AK9: variants seen among roughly 807,000 people sequenced by gnomAD.
The protein encoded by AK9 is adenylate kinase domain containing 1.
Under a neutral mutation model 239.6 loss-of-function variants are expected in AK9, and 191 were observed. The ratio of observed to expected loss-of-function variants is 0.80; its 90% CI spans 0.71 to 0.90. The LOEUF (loss-of-function observed/expected upper bound fraction) is 0.90, where lower values mean the gene tolerates loss of function less well. AK9 is among the 40% of genes least tolerant of loss of function. The pLI is 0.00. For missense variants in AK9, 1,995 were observed against 2,214.7 expected, an observed-to-expected ratio of 0.90 and a Z score of 1.99; for synonymous variants, 689 against 721.0, an observed-to-expected ratio of 0.96 and a Z score of 0.71.
chr6:109,670,849 T>C (rs1249856386), intron 5 of AK9, among the ~76,000 whole-genome samples: 1 of 152,196 alleles, frequency 6.6e-6, no homozygotes, highest in East Asian at 1.9e-4. Flanking sequence ...CCGTTCAGTC[T>C]CTTTATCACT....
intron 8 of AK9, among the ~76,000 whole-genome samples, chr6:109,651,145 T>C (rs1161384737): frequency 1.3e-5 from 2 of 151,980 alleles, no homozygotes; most frequent in Non-Finnish European, 2.9e-5. Flanking sequence ...GATGAGTTAA[T>C]GGGTGCAGCA....
chr6:109,662,282 T>C (rs1302200177), intron 6 of AK9, among the ~76,000 whole-genome samples: 1 of 152,166 alleles, frequency 6.6e-6, no homozygotes, highest in East Asian at 1.9e-4. Flanking sequence ...GCGGGGTAGT[T>C]GTCAGGGAAA....
intron 27 of AK9, among the ~76,000 whole-genome samples, chr6:109,539,965 C>G (rs1311149140): frequency 6.6e-6 from 1 of 152,092 alleles, no homozygotes; most frequent in Non-Finnish European, 1.5e-5. Context: ...CCTGTGGAAG[C>G]TTCATCTCAG....
At position 109,493,525 on chromosome 6, in the gene AK9, C is replaced by T. The variant is rs1007945150; in HGVS notation, c.5580G>A (p.Lys1860=). ...GSEYTRKKYK[K]KMEQFMESCE... ...AACTCTCCATAAACTGCTCCATCTTCTTCTTATACTTTTTTCTTGTGTATT... is the reference window on the plus strand; with the variant it reads ...AACTCTCCATAAACTGCTCCATCTTTTTCTTATACTTTTTTCTTGTGTATT... Residue 1860 remains lysine (K), a synonymous_variant, in exon 41 of 41, where the codon AAG becomes AAA. Transcript: ENST00000424296. 1.2e-6 allele frequency: 2 copies of T among 1,614,044 alleles called. No homozygotes were observed. The highest frequency in any genetic ancestry group is 1.7e-6 in the Non-Finnish European group (2 of 1,180,022).
chr6:109,520,454 T>C (rs1779728586), intron 29 of AK9, among the ~76,000 whole-genome samples: 1 of 152,032 alleles, frequency 6.6e-6, no homozygotes, highest in South Asian at 2.1e-4. Context: ...TTTCTGAGTT[T>C]TGTATTCTGT....
chr6:109,564,695 C>T, intron 22 of AK9, 61 bp downstream of exon 22: 6 of 1,329,742 alleles, frequency 4.5e-6, no homozygotes, highest in Non-Finnish European at 6.2e-6. Context: ...ATTAGGGACC[C>T]TTTGTAAGAA....
intron 25 of AK9, 105 bp downstream of exon 25, chr6:109,549,984 TA>T: frequency 8.2e-7 from 1 of 1,215,778 alleles, no homozygotes. Context: ...CTTTATATTG[TA>T]ATATCAGATT....
intron 1 of AK9, among the ~76,000 whole-genome samples, chr6:109,681,659 C>T (rs1008079203): frequency 1.3e-5 from 2 of 152,198 alleles, no homozygotes; most frequent in African/African-American, 2.4e-5. Flanking sequence ...CTCAGCACCT[C>T]ACTGCACTTA....
chr6:109,634,197 G>T (rs1010288942), intron 10 of AK9, among the ~76,000 whole-genome samples: 1 of 152,090 alleles, frequency 6.6e-6, no homozygotes, highest in Non-Finnish European at 1.5e-5. Context: ...TCTCAGGAGT[G>T]GGTAAGTTAT....
intron 24 of AK9, among the ~76,000 whole-genome samples, chr6:109,561,418 C>T (rs905440224): frequency 3.9e-5 from 6 of 152,090 alleles, no homozygotes; most frequent in African/African-American, 1.2e-4. Context: ...TGGGCTCGGG[C>T]GATCCTCCCA....
At chr6:109,667,753 T>C (rs1335591765) in intron 5 of AK9, among the ~76,000 whole-genome samples, 1 of 152,218 alleles carries the variant, frequency 6.6e-6, no homozygotes, top group Non-Finnish European at 1.5e-5. Flanking sequence ...TATGGCTGCA[T>C]AGTATTGCAT....
At chr6:109,555,046 T>C (rs1784825972) in intron 24 of AK9, among the ~76,000 whole-genome samples, 1 of 152,198 alleles carries the variant, frequency 6.6e-6, no homozygotes, top group Non-Finnish European at 1.5e-5. Flanking sequence ...TTTCTTGTCT[T>C]CTGCTAGCTT....
In AK9 at chr6:109,610,472, G is replaced by A. The variant is rs749255811; in HGVS notation, c.1735C>T (p.Pro579Ser). 4 of 1,551,152 alleles carry A rather than the reference G, an allele frequency of 2.6e-6. No individual in the cohort carries two copies. Among genetic ancestry groups the A allele is most frequent in the African/African-American group, 1.4e-5 (1 of 72,986 alleles). Residue 579 changes from proline (P) to serine (S), a missense_variant, in exon 17 of 41, where the codon CCA (proline) becomes TCA (serine). Pro to Ser is a moderately conservative substitution (Grantham distance 74). Around this residue, in one of 5 missense-constraint regions of AK9, gnomAD observed 1,290 missense variants for 1,392.7 expected, o/e 0.93. Coordinates refer to ENST00000424296, the MANE Select transcript of AK9 (RefSeq NM_001145128.3). ...DLIEEVTADH[P>S]EVVTMIEETI... ...TCTTCAATCATGGTCACAACCTCTG[G>A]ATGATCTGCAGTTACCTCTTCTATC... is the stretch of plus-strand genomic sequence containing the variant.
intron 27 of AK9, among the ~76,000 whole-genome samples, 174 bp downstream of exon 27, chr6:109,541,873 G>A (rs956782323): frequency 1.2e-4 from 19 of 152,026 alleles, no homozygotes; most frequent in Admixed American, 2.6e-4. Context: ...TCCTGCAATC[G>A]GTATTTTTAA....
At chr6:109,583,625 A>T (rs1174129443) in intron 19 of AK9, among the ~76,000 whole-genome samples, 1 of 149,576 alleles carries the variant, frequency 6.7e-6, no homozygotes, top group African/African-American at 2.4e-5. Context: ...CAATCTGGGC[A>T]GGTGATATTA....
In AK9 at chr6:109,499,247, TTAA is replaced by T; in HGVS notation, c.4850-10_4850-8del. ...TCAATGCAGGCAGCTTTTCCTATTATTAACATATTAACTATTATCATGTATATA... is the reference window on the plus strand; with the variant it reads ...TCAATGCAGGCAGCTTTTCCTATTATCATATTAACTATTATCATGTATATA... On this transcript the variant is annotated splice_region_variant and splice_polypyrimidine_tract_variant and intron_variant, in intron 35 of 40. Coordinates refer to ENST00000424296, the MANE Select transcript of AK9 (RefSeq NM_001145128.3). 1.4e-6 allele frequency: 2 copies of T among 1,479,644 alleles called. No homozygotes were observed. Among genetic ancestry groups the T allele is most frequent in the Non-Finnish European group, 1.8e-6 (2 of 1,109,764 alleles). The allele number at this position is 1,479,644 out of a possible 1,614,324, so 91.7% of individuals were successfully genotyped here. A position where few individuals can be genotyped will look rare whatever the true frequency, so the allele number is the denominator to read the frequency against.
At chr6:109,628,637 C>T (rs1795801196) in intron 12 of AK9, among the ~76,000 whole-genome samples, 3 of 152,256 alleles carry the variant, frequency 2.0e-5, no homozygotes, top group South Asian at 4.1e-4. Context: ...CTCTTTAGAA[C>T]AAAGGTTGTC....
chr6:109,649,413 T>C, intron 8 of AK9, among the ~76,000 whole-genome samples: 1 of 152,082 alleles, frequency 6.6e-6, no homozygotes, highest in Non-Finnish European at 1.5e-5. Context: ...ACAAAATCAA[T>C]GTATAAAAAT....
At chr6:109,621,845 A>G in intron 12 of AK9, among the ~76,000 whole-genome samples, 1 of 138,532 alleles carries the variant, frequency 7.2e-6, no homozygotes, top group Non-Finnish European at 1.5e-5. Flanking sequence ...ATACATATGT[A>G]ACTAACCTGC....
Sources: allele counts gnomAD v4.1 joint callset (sites outside exome capture counted in the v4.1 genomes callset), GRCh38; gene constraint gnomAD v4.1.1; regional missense constraint gnomAD v4.1.1; transcripts MANE v1.5; gene names NCBI Gene and HGNC (gene_info 2026-07-23, HGNC 2026-07-21).